TRPM1: variants seen among roughly 807,000 people sequenced by gnomAD.
The protein encoded by TRPM1 is transient receptor potential cation channel subfamily M member 1.
Under a neutral mutation model 149.4 loss-of-function variants are expected in TRPM1, and 113 were observed. The ratio of observed to expected loss-of-function variants is 0.76; its 90% CI spans 0.65 to 0.88. TRPM1 has a LOEUF of 0.88. TRPM1 is among the 40% of genes least tolerant of loss of function. TRPM1 has a pLI of 0.00. For missense variants in TRPM1, 1,976 were observed against 2,038.7 expected (o/e 0.97, Z 0.59); for synonymous variants, 741 against 759.5 (o/e 0.98, Z 0.40).
intron 1 of TRPM1, among the ~76,000 whole-genome samples, chr15:31,089,568 G>A (rs1019485606): frequency 1.3e-5 from 2 of 152,192 alleles, no homozygotes; most frequent in Admixed American, 6.5e-5. Flanking sequence ...AGGCCTGAGC[G>A]GCACCGTTTG....
chr15:31,037,829 T>C lies in TRPM1; in HGVS notation c.2453A>G (p.Asp818Gly), dbSNP rs764688702. The stretch of plus-strand genomic sequence containing the variant: ...CTCATCCCCCTTTCTTGAGCCAGCA[T>C]CTGCATTTGCATCCTGGAAAACAGA... ...KEEENTDANA[D>G]AGSRKGDEEN... The change falls in exon 20 of 28, where the codon GAT becomes GGT. Residue 818 changes from aspartate (D) to glycine (G), a missense_variant. By Grantham distance (94) the Asp-to-Gly change is moderately conservative. Coordinates refer to ENST00000256552, the MANE Select transcript of TRPM1 (RefSeq NM_001252024.2). 4 of 1,614,046 alleles carry C rather than the reference T, an allele frequency of 2.5e-6. No individual in the cohort carries two copies. The highest frequency in any genetic ancestry group is 3.4e-6 in the Non-Finnish European group (4 of 1,180,028).
chr15:31,116,328 C>T (rs1023444632), intron 1 of TRPM1, among the ~76,000 whole-genome samples: 16 of 152,126 alleles, frequency 1.1e-4, no homozygotes, highest in African/African-American at 3.4e-4. Context: ...TTCTAAAGTG[C>T]CCGGCGCCGT....
intron 1 of TRPM1, among the ~76,000 whole-genome samples, chr15:31,144,119 C>T (rs1297103274): frequency 1.3e-5 from 2 of 152,126 alleles, no homozygotes; most frequent in Non-Finnish European, 2.9e-5. Flanking sequence ...TGCCTTGGTT[C>T]TGCTTCCTAG....
At chr15:31,060,423 T>G in intron 11 of TRPM1, 121 bp downstream of exon 11, 1 of 825,982 alleles carries the variant, frequency 1.2e-6, no homozygotes, top group Non-Finnish European at 2.0e-6. Flanking sequence ...ATAGATTACA[T>G]ATCATATCAT....
At chr15:31,107,029 T>C (rs538440530) in intron 1 of TRPM1, among the ~76,000 whole-genome samples, 1 of 152,318 alleles carries the variant, frequency 6.6e-6, no homozygotes, top group Non-Finnish European at 1.5e-5. Context: ...TTTTGGATAT[T>C]GTTGTCTGGT....
chr15:31,001,787 A>C lies in TRPM1; in HGVS notation c.*35T>G. On this transcript the variant is annotated 3_prime_UTR_variant, in exon 28 of 28. Transcript: ENST00000256552. ...AAGATGACACCCATTAGTGGTTCTG[A>C]CTGTTAAAAAAAAAAATTAAAGAAA... The C allele has an allele frequency of 6.3e-7, 1 of 1,597,508 alleles. No homozygotes were observed. Among genetic ancestry groups the C allele is most frequent in the Non-Finnish European group, 8.5e-7 (1 of 1,175,946 alleles).
intron 1 of TRPM1, among the ~76,000 whole-genome samples, chr15:31,107,634 A>T (rs904418841): frequency 7.3e-5 from 11 of 151,582 alleles, no homozygotes; most frequent in African/African-American, 2.7e-4. Context: ...CTATTTTCTA[A>T]AGTTGAAGGT....
chr15:31,060,179 C>G (rs967505755), intron 11 of TRPM1: 24 of 371,572 alleles, frequency 6.5e-5, no homozygotes, highest in African/African-American at 5.1e-4. Context: ...CTCTAGGCCT[C>G]CAGGGTTTCA....
intron 1 of TRPM1, among the ~76,000 whole-genome samples, chr15:31,151,919 C>T (rs578234610): frequency 7.7e-4 from 118 of 152,294 alleles, no homozygotes; most frequent in African/African-American, 2.7e-3. Context: ...TTTGCCATCC[C>T]GCTAAAAGTA....
chr15:31,008,634 T>G lies in TRPM1; in HGVS notation c.3630-5564A>C, dbSNP rs148939586. 4.8e-3 allele frequency among the ~76,000 whole-genome samples: 732 copies of G among 152,336 alleles called. 1 individual carries two copies. The highest frequency in any genetic ancestry group is 7.9e-3 in the Non-Finnish European group (540 of 68,034). On this transcript the variant is annotated intron_variant, in intron 27 of 27. Coordinates refer to ENST00000256552, the MANE Select transcript of TRPM1 (RefSeq NM_001252024.2). ...GAATATTGGTCTGTAGTTTTCTTTT[T>G]TCAATTGTCTTTGTCTGGTTTTGGT...
At chr15:31,120,726 A>AG (rs2035863189) in intron 1 of TRPM1, among the ~76,000 whole-genome samples, 1 of 34,276 alleles carries the variant, frequency 2.9e-5, no homozygotes, top group African/African-American at 8.1e-5. Flanking sequence ...GAATTAGACC[A>AG]AAAAAAAAAA....
Position 31,037,822 on chromosome 15 carries a change from G to C in TRPM1, c.2460C>G (p.Gly820=), listed in dbSNP as rs185129255. Residue 820 remains glycine, a synonymous_variant, in exon 20 of 28, where the codon GGC becomes GGG. Coordinates refer to ENST00000256552, the MANE Select transcript of TRPM1 (RefSeq NM_001252024.2). ...CGTTCTCCTCATCCCCCTTTCTTGA[G>C]CCAGCATCTGCATTTGCATCCTGGA... ...EENTDANADA[G]SRKGDEENEH... 174 of 1,614,116 alleles carry C rather than the reference G, an allele frequency of 1.1e-4. No homozygotes were observed. Among genetic ancestry groups the C allele is most frequent in the Middle Eastern group, 4.9e-4 (3 of 6,062 alleles).
At chr15:31,117,537 A>G (rs780059813) in intron 1 of TRPM1, among the ~76,000 whole-genome samples, 2 of 151,970 alleles carry the variant, frequency 1.3e-5, no homozygotes, top group African/African-American at 2.4e-5. Context: ...AGTCCCAGCT[A>G]TCTGGGAGGC....
At chr15:31,088,643 A>C (rs539286131) in intron 1 of TRPM1, among the ~76,000 whole-genome samples, 12 of 152,332 alleles carry the variant, frequency 7.9e-5, no homozygotes, top group African/African-American at 1.9e-4. Context: ...CAAACTGCGG[A>C]CATGCCACAC....
At position 31,060,539 on chromosome 15, in the gene TRPM1, T is replaced by C. The variant is rs760629257; in HGVS notation, c.1263+5A>G. 6.2e-7 allele frequency: 1 copy of C among 1,613,652 alleles called. No homozygotes were observed. The highest frequency in any genetic ancestry group is 8.5e-7 in the Non-Finnish European group (1 of 1,179,558). On this transcript the variant is annotated splice_donor_5th_base_variant and intron_variant, in intron 11 of 27. Transcript: ENST00000256552. The stretch of plus-strand genomic sequence containing the variant: ...ATGATATGAATCGAAAAAAAACAGT[T>C]TCACCGGCCAGTGGGGCCCAAAGAC...
At chr15:31,159,380 T>G (rs576857269) in intron 1 of TRPM1, among the ~76,000 whole-genome samples, 1 of 151,972 alleles carries the variant, frequency 6.6e-6, no homozygotes. Context: ...GCAAGAACAG[T>G]GTGGGCCAGC....
chr15:31,133,744 A>G (rs991260482), intron 1 of TRPM1, among the ~76,000 whole-genome samples: 1 of 152,038 alleles, frequency 6.6e-6, no homozygotes. Flanking sequence ...ACAATAGACA[A>G]TGGAGAGGCC....
chr15:31,036,462 C>A (rs1193279708), intron 20 of TRPM1, among the ~76,000 whole-genome samples: 1 of 152,022 alleles, frequency 6.6e-6, no homozygotes, highest in African/African-American at 2.4e-5. Context: ...GATCCTGCCT[C>A]CCAAGCCTAT....
At chr15:31,028,195 G>T in intron 25 of TRPM1, 137 bp downstream of exon 25, 1 of 1,049,570 alleles carries the variant, frequency 9.5e-7, no homozygotes, top group Non-Finnish European at 1.4e-6. Context: ...CAAAGAGACT[G>T]CAAAAATTGG....
Sources: allele counts gnomAD v4.1 joint callset (sites outside exome capture counted in the v4.1 genomes callset), GRCh38; gene constraint gnomAD v4.1.1; transcripts MANE v1.5; gene names NCBI Gene and HGNC (gene_info 2026-07-23, HGNC 2026-07-21).